AKIRIN2: variants seen among roughly 807,000 people sequenced by gnomAD.
AKIRIN2 encodes the protein akirin 2, also known as akirin-2.
Under a neutral mutation model 29.3 loss-of-function variants are expected in AKIRIN2, and 6 were observed. The observed-to-expected ratio is 0.20, with a 90% CI of 0.11 to 0.40. The LOEUF (loss-of-function observed/expected upper bound fraction) is 0.40. Among genes scored for constraint, AKIRIN2 ranks in the 10% least tolerant of loss-of-function variants. AKIRIN2 has a pLI of 1.00. For synonymous variants in AKIRIN2, 128 were observed against 117.5 expected (o/e 1.09, Z -0.58); for missense variants, 210 against 276.1 (o/e 0.76, Z 1.70).
chr6:87,688,867 T>C (rs1771233847), intron 1 of AKIRIN2, among the ~76,000 whole-genome samples: 1 of 152,220 alleles, frequency 6.6e-6, no homozygotes, highest in Admixed American at 6.5e-5. Flanking sequence ...AAGGTTCAGC[T>C]TCTATTCCAA....
chr6:87,684,677 T>C (rs6906050), intron 1 of AKIRIN2, among the ~76,000 whole-genome samples: 5,182 of 152,272 alleles, frequency 0.034, 294 homozygotes, highest in African/African-American at 0.12. Flanking sequence ...CAAAATGCTT[T>C]TGAGATTCAT....
At chr6:87,694,244 GT>G (rs1771324667) in intron 1 of AKIRIN2, among the ~76,000 whole-genome samples, 1 of 152,026 alleles carries the variant, frequency 6.6e-6, no homozygotes, top group Non-Finnish European at 1.5e-5. Flanking sequence ...CAGAAACTTA[GT>G]AAACAAGCCT....
Position 87,702,230 on chromosome 6 carries a change from C to G in AKIRIN2, c.-546G>C, listed in dbSNP as rs1307676199. 1 of 397,082 alleles carries G rather than the reference C, an allele frequency of 2.5e-6. No homozygotes were observed. Among genetic ancestry groups the G allele is most frequent in the Non-Finnish European group, 4.4e-6 (1 of 225,594 alleles). The allele number at this position is 397,082 out of a possible 1,614,324, so 24.6% of individuals were successfully genotyped here. On this transcript the variant is annotated 5_prime_UTR_variant, in exon 1 of 5. Coordinates refer to ENST00000257787, the MANE Select transcript of AKIRIN2 (RefSeq NM_018064.4). ...CAACCGCTTCCCCTCCCTCGTAGAA[C>G]TCTCCCACCCGCCGCCGGCCCCAAT...
intron 1 of AKIRIN2, among the ~76,000 whole-genome samples, chr6:87,685,323 T>G (rs1281328237): frequency 6.6e-6 from 1 of 152,190 alleles, no homozygotes; most frequent in Admixed American, 6.5e-5. Context: ...TTCCTCAGAT[T>G]CAATATTCTA....
intron 1 of AKIRIN2, among the ~76,000 whole-genome samples, chr6:87,699,284 A>C (rs1771420385): frequency 6.6e-6 from 1 of 152,228 alleles, no homozygotes; most frequent in South Asian, 2.1e-4. Context: ...ATTACAAAAA[A>C]CATACAGGAC....
At chr6:87,701,204 A>T (rs1771457568) in intron 1 of AKIRIN2, among the ~76,000 whole-genome samples, 1 of 152,040 alleles carries the variant, frequency 6.6e-6, no homozygotes, top group Non-Finnish European at 1.5e-5. Flanking sequence ...GTTCTACCCA[A>T]TACGGGCAAG....
At chr6:87,690,985 A>C (rs1218853661) in intron 1 of AKIRIN2, among the ~76,000 whole-genome samples, 1 of 150,976 alleles carries the variant, frequency 6.6e-6, no homozygotes, top group African/African-American at 2.4e-5. Flanking sequence ...ACAACAACAA[A>C]AAGACCACCT....
intron 1 of AKIRIN2, among the ~76,000 whole-genome samples, chr6:87,695,882 T>C (rs1413490716): frequency 1.4e-5 from 2 of 138,080 alleles, no homozygotes; most frequent in Non-Finnish European, 3.2e-5. Flanking sequence ...TCAAAACACT[T>C]AGCAGAAAAA....
chr6:87,697,070 A>G (rs1771381081), intron 1 of AKIRIN2, among the ~76,000 whole-genome samples: 1 of 151,962 alleles, frequency 6.6e-6, no homozygotes, highest in South Asian at 2.1e-4. Flanking sequence ...GCACTGTGTG[A>G]GGCCAAGGCA....
At chr6:87,696,115 T>C (rs1041573620) in intron 1 of AKIRIN2, among the ~76,000 whole-genome samples, 12 of 151,990 alleles carry the variant, frequency 7.9e-5, no homozygotes, top group Non-Finnish European at 8.8e-5. Flanking sequence ...AGGAGGCAGA[T>C]TGCAGTGAGC....
intron 2 of AKIRIN2, among the ~76,000 whole-genome samples, chr6:87,678,476 TG>T (rs1298463646): frequency 6.6e-6 from 1 of 152,058 alleles, no homozygotes; most frequent in African/African-American, 2.4e-5. Flanking sequence ...CACTCCAGCC[TG>T]GGCAAAGAGA....
chr6:87,681,564 T>A (rs1771123067), intron 2 of AKIRIN2, 56 bp downstream of exon 2: 13 of 1,535,142 alleles, frequency 8.5e-6, no homozygotes, highest in Non-Finnish European at 1.1e-5. Flanking sequence ...ACAACTTGGA[T>A]TAGACTTTTC....
Position 87,676,596 on chromosome 6 carries a change from A to AACACACGCACGCGCGCGCACACAC in AKIRIN2, c.530-666_530-665insGTGTGTGCGCGCGCGTGCGTGTGT, listed in dbSNP as rs1485678233. Among the ~76,000 whole-genome samples, 152 of 142,146 alleles carry AACACACGCACGCGCGCGCACACAC rather than the reference A, an allele frequency of 1.1e-3. 1 individual carries two copies. The highest frequency in any genetic ancestry group is 3.9e-3 in the African/African-American group (146 of 37,054). The allele number at this position is 142,146 out of a possible 152,430, so 93.3% of individuals were successfully genotyped here. On this transcript the variant is annotated intron_variant, in intron 3 of 4. Transcript: ENST00000257787. ...ATGGTGAAACCCCGTCTCTACTAAA[A>AACACACGCACGCGCGCGCACACAC]ACACACACACACACACACACACACA...
At chr6:87,699,823 ATATAGTAC>A (rs1289503065) in intron 1 of AKIRIN2, among the ~76,000 whole-genome samples, 1 of 152,186 alleles carries the variant, frequency 6.6e-6, no homozygotes, top group Non-Finnish European at 1.5e-5. Flanking sequence ...TGACATTGAG[ATATAGTAC>A]TTTAATTCCC....
At chr6:87,685,040 T>C (rs1396386693) in intron 1 of AKIRIN2, among the ~76,000 whole-genome samples, 1 of 152,224 alleles carries the variant, frequency 6.6e-6, no homozygotes, top group African/African-American at 2.4e-5. Context: ...CACTTGATAT[T>C]GTCAGCTAAA....
At chr6:87,699,305 A>G (rs1771420922) in intron 1 of AKIRIN2, among the ~76,000 whole-genome samples, 1 of 152,322 alleles carries the variant, frequency 6.6e-6, no homozygotes, top group East Asian at 1.9e-4. Flanking sequence ...CATACCCCAA[A>G]TTGGCCATAT....
chr6:87,683,230 C>T (rs931337707), intron 1 of AKIRIN2, among the ~76,000 whole-genome samples: 6 of 152,120 alleles, frequency 3.9e-5, no homozygotes, highest in Non-Finnish European at 7.3e-5. Flanking sequence ...TATACATACA[C>T]GAATGTGCAG....
At chr6:87,698,798 T>C (rs1380534061) in intron 1 of AKIRIN2, among the ~76,000 whole-genome samples, 1 of 152,180 alleles carries the variant, frequency 6.6e-6, no homozygotes, top group African/African-American at 2.4e-5. Flanking sequence ...TAAATAAGAA[T>C]AGTCAAGTCA....
chr6:87,700,034 C>CT (rs147307376), intron 1 of AKIRIN2, among the ~76,000 whole-genome samples: 23 of 148,216 alleles, frequency 1.6e-4, no homozygotes, highest in Admixed American at 2.7e-4. Context: ...TGGCTGTTTC[C>CT]TTTTTTTTTT....
Sources: gnomAD v4.1 joint callset for allele counts (sites outside exome capture counted in the v4.1 genomes callset) on GRCh38, gnomAD v4.1.1 for gene constraint, MANE v1.5 for transcripts, NCBI Gene and HGNC (gene_info 2026-07-23, HGNC 2026-07-21) for gene names.